Variants in DLGAP4 observed in about 807,000 individuals in gnomAD.
DLGAP4 encodes DLG associated protein 4, also known as disks large-associated protein 4.
In DLGAP4, 18 loss-of-function variants were observed where a neutral mutation model predicts 86.9. The ratio of observed to expected loss-of-function variants is 0.21; its 90% CI spans 0.14 to 0.31. The LOEUF (loss-of-function observed/expected upper bound fraction) is 0.31. Ranked by LOEUF, DLGAP4 falls within the 10% of genes least tolerant of loss-of-function variation. DLGAP4 has a pLI of 1.00. For synonymous variants in DLGAP4, 548 were observed against 574.3 expected, an observed-to-expected ratio of 0.95 and a Z score of 0.65; for missense variants, 1,085 against 1,362.6, an observed-to-expected ratio of 0.80 and a Z score of 3.21.
rs137989729 is a variant in DLGAP4 at position 36,431,868 on chromosome 20, A to G, written c.151A>G (p.Thr51Ala). 3.1e-4 allele frequency: 501 copies of G among 1,613,596 alleles called. 1 individual carries two copies. In the African/African-American group the frequency reaches 6.0e-3, roughly 19 times the overall value. ...AREARFPGQN[T>A]LPGDGLFPLN... The stretch of plus-strand genomic sequence containing the variant: ...CGAGGCCCGCTTCCCCGGGCAGAAC[A>G]CCCTGCCAGGAGATGGCCTCTTTCC... The change falls in exon 3 of 13, where the codon ACC (threonine) becomes GCC (alanine). Residue 51 changes from threonine to alanine, a missense_variant. Coordinates refer to ENST00000339266, the MANE Select transcript of DLGAP4 (RefSeq NM_001365621.2). The surrounding 1 kb of genome is among the most constrained non-coding windows in gnomAD (Gnocchi z 5.1).
intron 2 of DLGAP4, among the ~76,000 whole-genome samples, chr20:36,387,680 C>T (rs573078051): frequency 2.6e-5 from 4 of 152,218 alleles, no homozygotes; most frequent in Middle Eastern, 3.4e-3. Context: ...TCTTTGCATG[C>T]GGTGTGAAAT....
chr20:36,461,751 G>GGGCGCCC, intron 7 of DLGAP4: 2 of 618,844 alleles, frequency 3.2e-6, no homozygotes, highest in Non-Finnish European at 3.8e-6. Flanking sequence ...CCGTCCGTCC[G>GGGCGCCC]CCCGCCCGCC....
At chr20:36,406,598 GT>G (rs769476707) in intron 2 of DLGAP4, among the ~76,000 whole-genome samples, 1 of 152,074 alleles carries the variant, frequency 6.6e-6, no homozygotes, top group African/African-American at 2.4e-5. Context: ...TGGCCGGTCA[GT>G]TGTTGATGCC....
intron 1 of DLGAP4, among the ~76,000 whole-genome samples, chr20:36,354,960 A>G (rs1032399787): frequency 1.3e-5 from 2 of 152,308 alleles, no homozygotes; most frequent in Middle Eastern, 3.4e-3. Context: ...AAAACAAAAC[A>G]GATAAAAACA....
At chr20:36,334,879 G>A (rs374757904) in intron 1 of DLGAP4, among the ~76,000 whole-genome samples, 6 of 152,102 alleles carry the variant, frequency 3.9e-5, no homozygotes, top group Non-Finnish European at 7.4e-5. Flanking sequence ...ATCTGGGACC[G>A]ACGTGTCTAT....
chr20:36,437,500 C>T (rs1226153893), intron 4 of DLGAP4, among the ~76,000 whole-genome samples: 1 of 152,210 alleles, frequency 6.6e-6, no homozygotes, highest in East Asian at 1.9e-4. Context: ...GCTCCTGTAA[C>T]TGATCCCTGT....
intron 12 of DLGAP4, among the ~76,000 whole-genome samples, chr20:36,526,291 A>C (rs1320982576): frequency 1.3e-5 from 2 of 150,872 alleles, no homozygotes; most frequent in Non-Finnish European, 2.9e-5. Flanking sequence ...ATAACAGAGG[A>C]GGCAGCAAAA....
In DLGAP4 at chr20:36,336,825, C is replaced by T. The variant is rs1332516204; in HGVS notation, c.-303-30220C>T. Reference sequence around the variant, plus strand: ...CAGAGTGGGCGTCAGTCCAGCTTTGCTCCCGCCTGCTGTGGAGACAGCCAG... The same window carrying T: ...CAGAGTGGGCGTCAGTCCAGCTTTGTTCCCGCCTGCTGTGGAGACAGCCAG... On this transcript the variant is annotated intron_variant, in intron 1 of 12. Transcript: ENST00000339266. Among the ~76,000 whole-genome samples the T allele has an allele frequency of 2.0e-5, 3 of 152,174 alleles. No individual in the cohort carries two copies. In the South Asian group the frequency reaches 6.2e-4, roughly 31 times the overall value.
chr20:36,441,776 C>T lies in DLGAP4; in HGVS notation c.1357-951C>T, dbSNP rs148362950. On this transcript the variant is annotated intron_variant, in intron 5 of 12. Transcript: ENST00000339266. ...TCTCTCCCCTCATTCACATTTTTCT[C>T]TGATTCTCTCCAGCGTGTCTCCATC... is the stretch of plus-strand genomic sequence containing the variant. 2.8e-3 allele frequency among the ~76,000 whole-genome samples: 431 copies of T among 152,264 alleles called. 2 individuals carry two copies. The highest frequency in any genetic ancestry group is 0.02 in the South Asian group (98 of 4,826).
intron 2 of DLGAP4, among the ~76,000 whole-genome samples, chr20:36,399,452 T>C (rs533945153): frequency 2.0e-5 from 3 of 152,356 alleles, no homozygotes; most frequent in African/African-American, 7.2e-5. Flanking sequence ...TTGCAATCTC[T>C]GAAGTGCTCT....
In DLGAP4 at chr20:36,454,131, C is replaced by T. The variant is rs368268478; in HGVS notation, c.1648+7194C>T. Among the ~76,000 whole-genome samples the T allele has an allele frequency of 5.3e-5, 8 of 151,356 alleles. No individual in the cohort carries two copies. The South Asian group carries it at 6.3e-4, about 12-fold the overall frequency. ...ACTAAAAATACAAAAATTAGCTGGG[C>T]GCCTGTAATCCTAGCTACTCGGGAG... On this transcript the variant is annotated intron_variant, in intron 7 of 12. Transcript: ENST00000339266.
chr20:36,357,921 C>T (rs2030384787), intron 1 of DLGAP4, among the ~76,000 whole-genome samples: 1 of 152,188 alleles, frequency 6.6e-6, no homozygotes. Flanking sequence ...CTTTGGAGGG[C>T]TTAGGGAACA....
At position 36,345,540 on chromosome 20, in the gene DLGAP4, A is replaced by G. The variant is rs2029909700; in HGVS notation, c.-303-21505A>G. 2.0e-5 allele frequency among the ~76,000 whole-genome samples: 3 copies of G among 152,184 alleles called. No individual in the cohort carries two copies. The South Asian group carries it at 6.2e-4, about 32-fold the overall frequency. The stretch of plus-strand genomic sequence containing the variant: ...TCTTCATCTGTGAAATGGGAGAATG[A>G]TGGCATCTGCATCCCAGGCTTGTTT... On this transcript the variant is annotated intron_variant, in intron 1 of 12. Coordinates refer to ENST00000339266, the MANE Select transcript of DLGAP4 (RefSeq NM_001365621.2).
chr20:36,526,823 A>C lies in DLGAP4; in HGVS notation c.2771A>C (p.Lys924Thr), dbSNP rs1569527858. Reference protein sequence around the residue: ...ETPEKRKEEKKPPPPVPKKPA... With the variant: ...ETPEKRKEEKTPPPPVPKKPA... ...ACTGTCTCACTAAAGGAAGAGAAGA[A>C]ACCACCCCCTCCGGTCCCAAAGAAG... The change falls in exon 13 of 13, where the codon AAA (lysine) becomes ACA (threonine). Residue 924 changes from lysine to threonine, a missense_variant. This residue lies in a region of DLGAP4 where 1,082 missense variants were observed against 1,344.1 expected (regional missense o/e 0.81). Transcript: ENST00000339266. 2 of 1,603,934 alleles carry C rather than the reference A, an allele frequency of 1.2e-6. No individual in the cohort carries two copies. The highest frequency in any genetic ancestry group is 3.5e-5 in the Admixed American group (2 of 57,212).
At chr20:36,419,834 CATCTCCACAATA>C (rs2032771506) in intron 2 of DLGAP4, among the ~76,000 whole-genome samples, 1 of 152,232 alleles carries the variant, frequency 6.6e-6, no homozygotes, top group Non-Finnish European at 1.5e-5. Context: ...CACACTTGGT[CATCTCCACAATA>C]TCCTATTGGT....
rs1489002294 is a variant in DLGAP4 at position 36,350,151 on chromosome 20, G to A, written c.-303-16894G>A. On this transcript the variant is annotated intron_variant, in intron 1 of 12. Coordinates refer to ENST00000339266, the MANE Select transcript of DLGAP4 (RefSeq NM_001365621.2). This position sits in a 1 kb window ranked among gnomAD's most constrained non-coding sequence, Gnocchi z 4.4. ...TGCCATGGGGACAGGACGGGGATCTGCACAGGGACCCAGAAGGCTGGCGGG... is the reference window on the plus strand; with the variant it reads ...TGCCATGGGGACAGGACGGGGATCTACACAGGGACCCAGAAGGCTGGCGGG... Among the ~76,000 whole-genome samples, 1 of 152,206 alleles carries A rather than the reference G, an allele frequency of 6.6e-6. No individual in the cohort carries two copies. The highest frequency in any genetic ancestry group is 2.1e-4 in the South Asian group (1 of 4,836).
intron 1 of DLGAP4, among the ~76,000 whole-genome samples, chr20:36,314,035 G>T (rs1265556345): frequency 1.3e-5 from 2 of 152,056 alleles, no homozygotes; most frequent in African/African-American, 2.4e-5. Context: ...CAGGTGAAGG[G>T]GTGTCGGCAT....
chr20:36,453,418 G>A (rs775910115), intron 7 of DLGAP4, among the ~76,000 whole-genome samples: 1 of 152,180 alleles, frequency 6.6e-6, no homozygotes, highest in Non-Finnish European at 1.5e-5. Context: ...GGGAGACCAA[G>A]GTGGGAGGAT....
intron 1 of DLGAP4, among the ~76,000 whole-genome samples, chr20:36,340,190 C>G (rs1411521869): frequency 6.6e-6 from 1 of 152,122 alleles, no homozygotes; most frequent in Non-Finnish European, 1.5e-5. Context: ...GTAGGAGGGG[C>G]CCCACATCCC....
Sources: gnomAD v4.1 joint callset for allele counts (sites outside exome capture counted in the v4.1 genomes callset) on GRCh38, gnomAD v4.1.1 for gene constraint, gnomAD v4.1.1 regional missense constraint, Gnocchi (gnomAD v3.1) non-coding constraint, MANE v1.5 for transcripts, NCBI Gene and HGNC (gene_info 2026-07-23, HGNC 2026-07-21) for gene names.